RASGRP1: variants seen among roughly 807,000 people sequenced by gnomAD.
RASGRP1 encodes the protein RAS guanyl-releasing protein 1.
Under a neutral mutation model 95.1 loss-of-function variants are expected in RASGRP1, and 37 were observed. That is an observed-to-expected ratio of 0.39 (90% CI 0.30 to 0.51). The LOEUF (loss-of-function observed/expected upper bound fraction) is 0.51. Among genes scored for constraint, RASGRP1 ranks in the 20% least tolerant of loss-of-function variants. The probability of loss-of-function intolerance (pLI) is 0.80; values close to 1 mark genes in which losing one functional copy is unlikely to be tolerated. For synonymous variants in RASGRP1, 325 were observed against 353.4 expected, an observed-to-expected ratio of 0.92 and a Z score of 0.90; for missense variants, 711 against 965.4, an observed-to-expected ratio of 0.74 and a Z score of 3.49.
chr15:38,536,489 C>T (rs1036721124), intron 2 of RASGRP1, among the ~76,000 whole-genome samples: 1 of 152,236 alleles, frequency 6.6e-6, no homozygotes, highest in Non-Finnish European at 1.5e-5. Context: ...TATTTTCAGA[C>T]ATGCCCAATA....
rs1394169459 is a variant in RASGRP1, at chr15:38,494,566, A to G, written c.2075T>C (p.Leu692Pro). The G allele has an allele frequency of 1.3e-6, 2 of 1,572,716 alleles. No individual in the cohort carries two copies. Among genetic ancestry groups the G allele is most frequent in the Non-Finnish European group, 1.7e-6 (2 of 1,160,154 alleles). The change falls in exon 16 of 17, where the codon CTG (leucine) becomes CCG (proline). Residue 692 changes from leucine to proline, a missense_variant. This residue lies in a region of RASGRP1 where 212 missense variants were observed against 247.8 expected (regional missense o/e 0.86). Transcript: ENST00000310803. ...CTGGGCTGTCTTCCTTGGGGAAGAC[A>G]GCACAAAGGGACCTGAAGGGCCCTC... is the stretch of plus-strand genomic sequence containing the variant. ...GSEGPSGPFV[L>P]SSPRKTAQDT...
At chr15:38,503,735 A>G in intron 10 of RASGRP1, 1 of 224,066 alleles carries the variant, frequency 4.5e-6, no homozygotes, top group Non-Finnish European at 8.7e-6. Flanking sequence ...CACATTTTGC[A>G]GTAGAAATGT....
chr15:38,559,672 G>T, intron 2 of RASGRP1, 149 bp downstream of exon 2: 2 of 778,140 alleles, frequency 2.6e-6, no homozygotes, highest in Non-Finnish European at 4.1e-6. Context: ...TGTGCCATAG[G>T]CTCTGCAGAC....
At position 38,502,233 on chromosome 15, in the gene RASGRP1, A is replaced by G. The variant is rs1891058883; in HGVS notation, c.1538+79T>C. On this transcript the variant is annotated intron_variant, in intron 12 of 16. Coordinates refer to ENST00000310803, the MANE Select transcript of RASGRP1 (RefSeq NM_005739.4). ...CAGCAGCAACATATCTGAGTTTTCA[A>G]ATTCTTCTAGTGACATACCTATAAA... 5.9e-6 allele frequency: 6 copies of G among 1,011,366 alleles called. 1 individual carries two copies. Among genetic ancestry groups the G allele is most frequent in the South Asian group, 3.1e-5 (2 of 64,734 alleles). The allele number at this position is 1,011,366 out of a possible 1,614,324, so 62.6% of individuals were successfully genotyped here. A position where few individuals can be genotyped will look rare whatever the true frequency, so the allele number is the denominator to read the frequency against.
chr15:38,501,511 T>C, intron 12 of RASGRP1: 1 of 678,338 alleles, frequency 1.5e-6, no homozygotes, highest in South Asian at 1.5e-5. Flanking sequence ...AGAGGTGTTC[T>C]TTGGCCAAAC....
rs539004877 is a variant in RASGRP1, at chr15:38,490,552, G to C, written c.*2C>G. 1 of 1,601,754 alleles carries C rather than the reference G, an allele frequency of 6.2e-7. No homozygotes were observed. The highest frequency in any genetic ancestry group is 1.1e-5 in the South Asian group (1 of 90,636). On this transcript the variant is annotated 3_prime_UTR_variant, in exon 17 of 17. Coordinates refer to ENST00000310803, the MANE Select transcript of RASGRP1 (RefSeq NM_005739.4). ...TACAGATTGTGCTACTTAGTTTCTG[G>C]GCTAAGAACAGTCACCCTGCTCCAT...
rs554424027 is a variant in RASGRP1, at chr15:38,546,039, T to C, written c.220+13782A>G. Among the ~76,000 whole-genome samples the C allele has an allele frequency of 1.4e-4, 22 of 152,326 alleles. No homozygotes were observed. In the South Asian group the frequency reaches 3.5e-3, roughly 24 times the overall value. On this transcript the variant is annotated intron_variant, in intron 2 of 16. Transcript: ENST00000310803. The stretch of plus-strand genomic sequence containing the variant: ...CTGGTAATTTTTTTGGCATAGCCAT[T>C]ATAACCATCTTGTATCTCCATGATG...
chr15:38,549,618 T>C (rs1037023823), intron 2 of RASGRP1, among the ~76,000 whole-genome samples: 1 of 149,264 alleles, frequency 6.7e-6, no homozygotes, highest in Non-Finnish European at 1.5e-5. Context: ...TTCTGGTGAC[T>C]GCATTCTTTG....
chr15:38,510,426 T>C lies in RASGRP1; in HGVS notation c.966+1178A>G, dbSNP rs1428657950. The stretch of plus-strand genomic sequence containing the variant: ...GGGGGGCCTCCCCAGAGGCCCAGCA[T>C]TGTGATAACAGAGATAATAAAAGAC... On this transcript the variant is annotated intron_variant, in intron 8 of 16. Coordinates refer to ENST00000310803, the MANE Select transcript of RASGRP1 (RefSeq NM_005739.4). 3.3e-5 allele frequency among the ~76,000 whole-genome samples: 5 copies of C among 152,314 alleles called. 1 individual carries two copies. Among genetic ancestry groups the C allele is most frequent in the South Asian group, 4.1e-4 (2 of 4,826 alleles).
intron 2 of RASGRP1, among the ~76,000 whole-genome samples, chr15:38,554,822 G>A (rs117840856): frequency 0.022 from 3,409 of 152,284 alleles, 99 homozygotes; most frequent in East Asian, 0.12. Context: ...TTGTAGCCAC[G>A]ACTACTAGCG....
chr15:38,547,000 T>C (rs1199739218), intron 2 of RASGRP1, among the ~76,000 whole-genome samples: 1 of 152,204 alleles, frequency 6.6e-6, no homozygotes, highest in Non-Finnish European at 1.5e-5. Context: ...AATTATGCTA[T>C]TTCCCACAGT....
At chr15:38,528,466 A>G (rs1373149569) in intron 2 of RASGRP1, among the ~76,000 whole-genome samples, 1 of 152,052 alleles carries the variant, frequency 6.6e-6, no homozygotes, top group Non-Finnish European at 1.5e-5. Context: ...CTTGATCCTT[A>G]TCTTACTTTA....
chr15:38,499,834 G>C (rs1890944523), intron 14 of RASGRP1, among the ~76,000 whole-genome samples: 1 of 152,048 alleles, frequency 6.6e-6, no homozygotes, highest in Non-Finnish European at 1.5e-5. Context: ...TCTCATGATA[G>C]TGAGTGACTG....
rs149603018 is a variant in RASGRP1, at chr15:38,489,701, A to G, written c.*853T>C. On this transcript the variant is annotated 3_prime_UTR_variant, in exon 17 of 17. Transcript: ENST00000310803. ...TTACTTCAGAAGAGAAAGATGGAAC[A>G]TGAAGAGTTAAACAGACTCTTCATA... 1 of 149,618 alleles carries G rather than the reference A, an allele frequency of 6.7e-6. No individual in the cohort carries two copies. Among genetic ancestry groups the G allele is most frequent in the Non-Finnish European group, 1.5e-5 (1 of 67,190 alleles). The allele number at this position is 149,618 out of a possible 1,614,324, so 9.3% of individuals were successfully genotyped here. A position where few individuals can be genotyped will look rare whatever the true frequency, so the allele number is the denominator to read the frequency against.
At chr15:38,556,198 G>A (rs1467220243) in intron 2 of RASGRP1, among the ~76,000 whole-genome samples, 1 of 152,226 alleles carries the variant, frequency 6.6e-6, no homozygotes, top group Non-Finnish European at 1.5e-5. Context: ...TGTAAAGCAT[G>A]ATCTCTGGTT....
chr15:38,553,926 G>A (rs1490886011), intron 2 of RASGRP1, among the ~76,000 whole-genome samples: 6 of 152,162 alleles, frequency 3.9e-5, no homozygotes, highest in Admixed American at 6.5e-5. Flanking sequence ...GGAGATTTGT[G>A]CCCTTCAGGT....
At chr15:38,502,676 C>T (rs1891083664) in intron 11 of RASGRP1, among the ~76,000 whole-genome samples, 1 of 152,170 alleles carries the variant, frequency 6.6e-6, no homozygotes, top group African/African-American at 2.4e-5. Flanking sequence ...ACGCTGGCTA[C>T]TCCTAGTTCA....
At position 38,489,185 on chromosome 15, in the gene RASGRP1, A is replaced by G. The variant is rs1320367684; in HGVS notation, c.*1369T>C. 2.0e-5 allele frequency: 3 copies of G among 152,002 alleles called. No homozygotes were observed. In the East Asian group the frequency reaches 5.8e-4, roughly 29 times the overall value. The allele number at this position is 152,002 out of a possible 1,614,324, so 9.4% of individuals were successfully genotyped here. A position where few individuals can be genotyped will look rare whatever the true frequency, so the allele number is the denominator to read the frequency against. On this transcript the variant is annotated 3_prime_UTR_variant, in exon 17 of 17. Coordinates refer to ENST00000310803, the MANE Select transcript of RASGRP1 (RefSeq NM_005739.4). ...ACAACTTGTTTATGAATTTCAAGTC[A>G]GTCTGGTACCAGACTTTATAGGCAT...
chr15:38,494,466 G>A lies in RASGRP1; in HGVS notation c.2175C>T (p.Val725=). The part of the protein sequence containing the change: ...SPVLVRKRAF[V]KWENKDSLIK... ...TGAGGGAGTCTTTATTCTCCCACTTGACAAAAGCCCGCTTTCTGACCAAGA... is the reference window on the plus strand; with the variant it reads ...TGAGGGAGTCTTTATTCTCCCACTTAACAAAAGCCCGCTTTCTGACCAAGA... Residue 725 remains valine (V), a synonymous_variant, in exon 16 of 17, where the codon GTC becomes GTT. Coordinates refer to ENST00000310803, the MANE Select transcript of RASGRP1 (RefSeq NM_005739.4). The A allele has an allele frequency of 6.2e-7, 1 of 1,611,842 alleles. No individual in the cohort carries two copies. The highest frequency in any genetic ancestry group is 8.5e-7 in the Non-Finnish European group (1 of 1,179,012).
Sources: gnomAD v4.1 joint callset for allele counts (sites outside exome capture counted in the v4.1 genomes callset) on GRCh38, gnomAD v4.1.1 for gene constraint, gnomAD v4.1.1 regional missense constraint, MANE v1.5 for transcripts, NCBI Gene and HGNC (gene_info 2026-07-23, HGNC 2026-07-21) for gene names.